COMMD1: variants seen among roughly 807,000 people sequenced by gnomAD.
The protein encoded by COMMD1 is COMM domain-containing protein 1.
A neutral mutation model predicts 17.2 loss-of-function variants in COMMD1; 10 were observed. The ratio of observed to expected loss-of-function variants is 0.58; its 90% CI spans 0.36 to 0.99. The LOEUF is 0.99. Among genes scored for constraint, COMMD1 ranks in the 50% least tolerant of loss-of-function variants. COMMD1 has a pLI of 0.01. For synonymous variants in COMMD1, 97 were observed against 91.6 expected, an observed-to-expected ratio of 1.06 and a Z score of -0.34; for missense variants, 270 against 231.8, an observed-to-expected ratio of 1.17 and a Z score of -1.07.
chr2:61,963,228 CAT>C (rs201744053), intron 1 of COMMD1, among the ~76,000 whole-genome samples: 2 of 146,668 alleles, frequency 1.4e-5, no homozygotes, highest in South Asian at 2.1e-4. Context: ...CACATATATA[CAT>C]ATATACACAC....
intron 1 of COMMD1, among the ~76,000 whole-genome samples, chr2:61,952,492 G>A (rs1671083644): frequency 1.3e-5 from 2 of 151,900 alleles, no homozygotes; most frequent in Admixed American, 1.3e-4. Context: ...CCAGAACCAT[G>A]ACTCTTGACT....
At chr2:62,053,641 C>A (rs1029389093) in intron 2 of COMMD1, among the ~76,000 whole-genome samples, 3 of 152,144 alleles carry the variant, frequency 2.0e-5, no homozygotes, top group Non-Finnish European at 4.4e-5. Flanking sequence ...CGATAATCAT[C>A]CAGCAGAACA....
intron 1 of COMMD1, among the ~76,000 whole-genome samples, chr2:61,927,189 A>G (rs1420765597): frequency 1.3e-5 from 2 of 152,196 alleles, no homozygotes; most frequent in Non-Finnish European, 1.5e-5. Context: ...ATAACTGACT[A>G]CTTAACATCA....
At chr2:61,907,872 G>A (rs985115295) in intron 1 of COMMD1, among the ~76,000 whole-genome samples, 14 of 152,078 alleles carry the variant, frequency 9.2e-5, no homozygotes, top group East Asian at 3.9e-4. Context: ...TTTATTTTTA[G>A]TAGCGACAGG....
chr2:61,986,715 A>G (rs998178136), intron 1 of COMMD1, among the ~76,000 whole-genome samples: 1 of 151,306 alleles, frequency 6.6e-6, no homozygotes, highest in Admixed American at 6.6e-5. Flanking sequence ...ACTGCAGGCA[A>G]GCGCCACCAT....
At chr2:62,008,786 A>G (rs547561043) in intron 2 of COMMD1, among the ~76,000 whole-genome samples, 1 of 140,510 alleles carries the variant, frequency 7.1e-6, no homozygotes, top group Admixed American at 6.8e-5. Context: ...TTGTTTGTTT[A>G]TTTATTTACT....
At chr2:61,989,964 A>G (rs12713453) in intron 1 of COMMD1, among the ~76,000 whole-genome samples, 43,586 of 151,842 alleles carry the variant, frequency 0.29, 8,080 homozygotes, top group African/African-American at 0.53. Context: ...GTCTAGAAAG[A>G]CCCCCGTCCC....
chr2:62,079,320 A>C (rs528495474), intron 2 of COMMD1, among the ~76,000 whole-genome samples: 2 of 152,350 alleles, frequency 1.3e-5, no homozygotes, highest in African/African-American at 2.4e-5. Context: ...TAAAAAGATC[A>C]TGGGGGGATG....
At chr2:62,072,220 A>G (rs1465295213) in intron 2 of COMMD1, among the ~76,000 whole-genome samples, 2 of 152,156 alleles carry the variant, frequency 1.3e-5, no homozygotes, top group South Asian at 2.1e-4. Context: ...GTGAAACCCA[A>G]CCTTCAAACC....
intron 2 of COMMD1, among the ~76,000 whole-genome samples, chr2:62,090,067 TGGA>T (rs1671784119): frequency 1.3e-5 from 2 of 152,128 alleles, no homozygotes; most frequent in Non-Finnish European, 2.9e-5. Context: ...AGGGGTGAGA[TGGA>T]GTCAGGCCTA....
intron 1 of COMMD1, among the ~76,000 whole-genome samples, chr2:61,965,200 A>G (rs971829090): frequency 2.0e-5 from 3 of 152,224 alleles, no homozygotes; most frequent in Non-Finnish European, 2.9e-5. Flanking sequence ...TCATTTTGCT[A>G]TAGATGAGTT....
intron 2 of COMMD1, among the ~76,000 whole-genome samples, chr2:62,114,583 A>T (rs1036247935): frequency 6.6e-6 from 1 of 152,202 alleles, no homozygotes; most frequent in Admixed American, 6.5e-5. Context: ...CAGGAAAGAG[A>T]GTTCGCACCT....
intron 2 of COMMD1, among the ~76,000 whole-genome samples, chr2:62,091,120 G>T (rs1671814321): frequency 6.6e-6 from 1 of 152,186 alleles, no homozygotes; most frequent in South Asian, 2.1e-4. Context: ...ATAGACATGA[G>T]CCCGTGTTGG....
chr2:61,996,689 C>T (rs1668764472), intron 1 of COMMD1, among the ~76,000 whole-genome samples: 1 of 152,162 alleles, frequency 6.6e-6, no homozygotes, highest in Admixed American at 6.5e-5. Flanking sequence ...TACCAAGAAA[C>T]CACTTTGTTT....
intron 2 of COMMD1, among the ~76,000 whole-genome samples, chr2:62,073,126 C>T (rs548302253): frequency 6.6e-6 from 1 of 152,340 alleles, no homozygotes; most frequent in South Asian, 2.1e-4. Context: ...AACAGCCCCA[C>T]AGTATATTTC....
intron 2 of COMMD1, among the ~76,000 whole-genome samples, chr2:62,099,717 G>A (rs1672120636): frequency 6.6e-6 from 1 of 152,012 alleles, no homozygotes; most frequent in Non-Finnish European, 1.5e-5. Context: ...TCTCTCTTCA[G>A]AGGTCTGTCA....
intron 1 of COMMD1, among the ~76,000 whole-genome samples, chr2:61,927,882 C>T (rs57903362): frequency 0.099 from 14,967 of 151,724 alleles, 1,608 homozygotes; most frequent in African/African-American, 0.27. Context: ...TACCTGTCTC[C>T]GCCTCTCGAG....
chr2:61,930,773 T>C lies in COMMD1; in HGVS notation c.180+24915T>C, dbSNP rs1305600501. ...AGATAATAGTTGGAAGGTTGCTTGA[T>C]AGGCATGGAATTGAAGCTGAGGCAA... On this transcript the variant is annotated intron_variant, in intron 1 of 2. Coordinates refer to ENST00000311832, the MANE Select transcript of COMMD1 (RefSeq NM_152516.4). Among the ~76,000 whole-genome samples the C allele has an allele frequency of 4.0e-5, 6 of 151,800 alleles. No homozygotes were observed. The South Asian group carries it at 1.3e-3, about 32-fold the overall frequency.
intron 1 of COMMD1, among the ~76,000 whole-genome samples, chr2:61,982,003 G>A (rs1391441813): frequency 1.3e-5 from 2 of 152,118 alleles, no homozygotes; most frequent in Non-Finnish European, 2.9e-5. Flanking sequence ...TTTTAGGATT[G>A]TTTTTCTGTT....
Sources: gnomAD v4.1 joint callset for allele counts (sites outside exome capture counted in the v4.1 genomes callset) on GRCh38, gnomAD v4.1.1 for gene constraint, MANE v1.5 for transcripts, NCBI Gene and HGNC (gene_info 2026-07-23, HGNC 2026-07-21) for gene names.